KLF12: variants seen among roughly 807,000 people sequenced by gnomAD.
KLF12 encodes KLF transcription factor 12, also known as Krueppel-like factor 12.
KLF12 carries 9 observed loss-of-function variants against 37.8 expected under a neutral mutation model. The observed-to-expected ratio is 0.24, with a 90% CI of 0.14 to 0.42. The LOEUF (loss-of-function observed/expected upper bound fraction) is 0.42. Ranked by LOEUF, KLF12 falls within the 10% of genes least tolerant of loss-of-function variation. The pLI is 1.00. For missense variants in KLF12, 411 were observed against 516.0 expected, an observed-to-expected ratio of 0.80 and a Z score of 1.97; for synonymous variants, 208 against 202.1, an observed-to-expected ratio of 1.03 and a Z score of -0.25.
chr13:74,143,675 A>G, the KLF12 span, among the ~76,000 whole-genome samples: 1 of 152,134 alleles, frequency 6.6e-6, no homozygotes, highest in African/African-American at 2.4e-5. Context: ...ATCATCTAAT[A>G]CAGATGATGC....
At chr13:73,946,822 C>A (rs189726099) in intron 2 of KLF12, among the ~76,000 whole-genome samples, 3 of 152,296 alleles carry the variant, frequency 2.0e-5, no homozygotes, top group Admixed American at 1.3e-4. Flanking sequence ...ACGGATCTAA[C>A]CTCAATCCTC....
chr13:73,715,566 C>A (rs1379596975), intron 6 of KLF12, 41 bp from the exon 7 acceptor site: 9 of 1,598,440 alleles, frequency 5.6e-6, no homozygotes, highest in Non-Finnish European at 7.7e-6. Flanking sequence ...GAGATGCACA[C>A]CGCCCCATTT....
chr13:73,815,255 T>C (rs1471425495), intron 4 of KLF12, among the ~76,000 whole-genome samples: 1 of 152,184 alleles, frequency 6.6e-6, no homozygotes, highest in East Asian at 1.9e-4. Flanking sequence ...TCCATCACTA[T>C]CTGGTAACAG....
chr13:74,044,325 C>G (rs1893482906), intron 1 of KLF12, among the ~76,000 whole-genome samples: 1 of 152,098 alleles, frequency 6.6e-6, no homozygotes, highest in Non-Finnish European at 1.5e-5. Flanking sequence ...CAAACACACC[C>G]CGCACCCAGA....
chr13:74,295,181 G>A, the KLF12 span, among the ~76,000 whole-genome samples: 1 of 152,180 alleles, frequency 6.6e-6, no homozygotes. Flanking sequence ...AGCATCTAGT[G>A]TATGATGGCC....
At chr13:74,117,059 G>A (rs1451230034) in intron 1 of KLF12, among the ~76,000 whole-genome samples, 1 of 151,900 alleles carries the variant, frequency 6.6e-6, no homozygotes, top group African/African-American at 2.4e-5. Flanking sequence ...AGAATTATTG[G>A]TATTTCCTCT....
chr13:73,994,503 G>C (rs1224125596), intron 2 of KLF12, among the ~76,000 whole-genome samples: 1 of 148,124 alleles, frequency 6.8e-6, no homozygotes, highest in African/African-American at 2.5e-5. Flanking sequence ...TACTGTATTT[G>C]TAAGAAACCA....
At chr13:73,874,748 C>A (rs540832206) in intron 3 of KLF12, among the ~76,000 whole-genome samples, 1 of 152,252 alleles carries the variant, frequency 6.6e-6, no homozygotes, top group South Asian at 2.1e-4. Flanking sequence ...GAAACATGGG[C>A]CAACTGATCA....
chr13:74,058,514 C>A (rs1350518446), intron 1 of KLF12, among the ~76,000 whole-genome samples: 2 of 151,764 alleles, frequency 1.3e-5, no homozygotes. Context: ...CGCCACCACG[C>A]CCGGCTAATT....
chr13:73,827,738 T>A (rs1173487499), intron 4 of KLF12, among the ~76,000 whole-genome samples: 3 of 152,074 alleles, frequency 2.0e-5, no homozygotes, highest in Non-Finnish European at 2.9e-5. Flanking sequence ...AATTTTTGTA[T>A]TTTCATTAGA....
rs1047678789 is a variant in KLF12, at chr13:73,883,128, T to A, written c.124-36755A>T. 2.6e-5 allele frequency among the ~76,000 whole-genome samples: 4 copies of A among 152,332 alleles called. No homozygotes were observed. The South Asian group carries it at 6.2e-4, about 24-fold the overall frequency. ...CAATATTATATTGTCCCCCTCTTTT[T>A]AAAATACATTCTGAAGTTTGTTGGT... On this transcript the variant is annotated intron_variant, in intron 3 of 7. Coordinates refer to ENST00000377669, the MANE Select transcript of KLF12 (RefSeq NM_007249.5).
At chr13:73,864,745 A>G (rs1485966098) in intron 3 of KLF12, among the ~76,000 whole-genome samples, 1 of 152,142 alleles carries the variant, frequency 6.6e-6, no homozygotes, top group East Asian at 1.9e-4. Context: ...ATCATTCAGG[A>G]AGTGCTAAAT....
At chr13:73,957,000 GGAAAGGAAAGGAAAA>G (rs1566481613) in intron 2 of KLF12, among the ~76,000 whole-genome samples, 5 of 133,560 alleles carry the variant, frequency 3.7e-5, no homozygotes, top group African/African-American at 1.2e-4. Flanking sequence ...GGGAAAGGAG[GGAAAGGAAAGGAAAA>G]GAAAGGAAAG....
chr13:74,055,653 C>T (rs1162872101), intron 1 of KLF12, among the ~76,000 whole-genome samples: 3 of 152,152 alleles, frequency 2.0e-5, no homozygotes. Context: ...CACCATGGCT[C>T]TTACCACGGA....
intron 6 of KLF12, among the ~76,000 whole-genome samples, chr13:73,741,271 C>G (rs1458038926): frequency 6.6e-6 from 1 of 152,104 alleles, no homozygotes; most frequent in African/African-American, 2.4e-5. Context: ...CACATAAGCT[C>G]TGCCGTGGCA....
chr13:74,290,783 G>A, the KLF12 span, among the ~76,000 whole-genome samples: 1 of 151,114 alleles, frequency 6.6e-6, no homozygotes, highest in African/African-American at 2.5e-5. Flanking sequence ...TTTAAACGTT[G>A]TTGTCCTGAA....
intron 1 of KLF12, among the ~76,000 whole-genome samples, chr13:74,069,957 A>T (rs1874134406): frequency 6.6e-6 from 1 of 152,236 alleles, no homozygotes; most frequent in Non-Finnish European, 1.5e-5. Context: ...TATATCCAAG[A>T]AAGAGATGAC....
the KLF12 span, among the ~76,000 whole-genome samples, chr13:74,193,668 A>C: frequency 6.6e-6 from 1 of 152,238 alleles, no homozygotes; most frequent in African/African-American, 2.4e-5. Flanking sequence ...AGTTTAAATA[A>C]TACAATCAAA....
At chr13:73,967,614 A>G (rs9592958) in intron 2 of KLF12, among the ~76,000 whole-genome samples, 7,427 of 152,242 alleles carry the variant, frequency 0.049, 391 homozygotes, top group African/African-American at 0.13. Flanking sequence ...ACAGTCATCC[A>G]GTCATAAGGC....
Sources: gnomAD v4.1 joint callset for allele counts (sites outside exome capture counted in the v4.1 genomes callset) on GRCh38, gnomAD v4.1.1 for gene constraint, MANE v1.5 for transcripts, NCBI Gene and HGNC (gene_info 2026-07-23, HGNC 2026-07-21) for gene names.